TTN: variants seen among roughly 807,000 people sequenced by gnomAD.
The protein encoded by TTN is connectin.
In TTN, 1,525 loss-of-function variants were observed where a neutral mutation model predicts 3,223.0. That is an observed-to-expected ratio of 0.47 (90% CI 0.45 to 0.49). TTN has a LOEUF of 0.49. Ranked by LOEUF, TTN falls within the 20% of genes least tolerant of loss-of-function variation. The pLI, the probability that TTN is intolerant of heterozygous loss-of-function variation, is 0.00. For missense variants in TTN, 40,786 were observed against 43,424.0 expected (o/e 0.94, Z 5.40); for synonymous variants, 14,094 against 15,161.0 (o/e 0.93, Z 5.17).
chr2:178,664,173 C>G, intron 168 of TTN, 75 bp from the exon 169 acceptor site: 1 of 1,406,452 alleles, frequency 7.1e-7, no homozygotes, highest in Non-Finnish European at 9.7e-7. Flanking sequence ...TTTTCAAGAA[C>G]AAAAGAGCTA....
rs978568900 is a variant in TTN at position 178,562,178 on chromosome 2, G to A, written c.83954C>T (p.Pro27985Leu). 5 of 1,612,850 alleles carry A rather than the reference G, an allele frequency of 3.1e-6. No individual in the cohort carries two copies. The highest frequency in any genetic ancestry group is 2.7e-5 in the African/African-American group (2 of 74,848). Residue 27985 changes from proline (P) to leucine (L), a missense_variant, in exon 326 of 363, where the codon CCA (proline) becomes CTA (leucine). Transcript: ENST00000589042. ...KAREQLKIDV[P>L]FKGRPQATVN... The stretch of plus-strand genomic sequence containing the variant: ...AGTAGCTTGAGGTCTTCCTTTGAAT[G>A]GCACATCAATCTTAAGTTGTTCTCT...
At chr2:178,541,042 A>T (rs1694245078) in intron 350 of TTN, 3 of 354,858 alleles carry the variant, frequency 8.5e-6, no homozygotes, top group Non-Finnish European at 1.5e-5. Context: ...TTGACTCCAG[A>T]GAAGAATATT....
chr2:178,682,599 G>T (rs761368862), intron 135 of TTN, 98 bp downstream of exon 135: 1 of 1,181,376 alleles, frequency 8.5e-7, no homozygotes, highest in Non-Finnish European at 1.2e-6. Context: ...AATTTCTTTG[G>T]GTATCCAAAT....
Position 178,731,767 on chromosome 2 carries a change from T to A in TTN, c.17108A>T (p.Asp5703Val). 1 of 1,613,840 alleles carries A rather than the reference T, an allele frequency of 6.2e-7. No homozygotes were observed. Among genetic ancestry groups the A allele is most frequent in the Non-Finnish European group, 8.5e-7 (1 of 1,179,770 alleles). ...CACCCGACACTGGTATTCGCCAGCA[T>A]CTGCAGCTACAAACTTGAGGATCTG... is the stretch of plus-strand genomic sequence containing the variant. ...SLQILKFVAA[D>V]AGEYQCRVTN... Residue 5703 changes from aspartate to valine, a missense_variant, in exon 58 of 363, where the codon GAT becomes GTT. Coordinates refer to ENST00000589042, the MANE Select transcript of TTN (RefSeq NM_001267550.2).
chr2:178,746,400 G>T, intron 47 of TTN: 1 of 1,609,346 alleles, frequency 6.2e-7, no homozygotes, highest in Non-Finnish European at 8.5e-7. Context: ...GTAAATTCGG[G>T]AACTGTCACT....
chr2:178,729,596 A>T (rs2080027196), intron 63 of TTN, 30 bp from the exon 64 acceptor site: 1 of 1,612,466 alleles, frequency 6.2e-7, no homozygotes, highest in East Asian at 2.2e-5. Flanking sequence ...ACAGTAGCTT[A>T]CTCAAGGGAA....
At position 178,566,100 on chromosome 2, in the gene TTN, C is replaced by G. The variant is rs1239747236; in HGVS notation, c.80032G>C (p.Val26678Leu). The G allele has an allele frequency of 1.9e-6, 3 of 1,613,540 alleles. No individual in the cohort carries two copies. The highest frequency in any genetic ancestry group is 1.3e-5 in the African/African-American group (1 of 74,914). Reference protein sequence around the residue: ...SSGSKSAFVTVKVLDTPGPPQ... With the variant: ...SSGSKSAFVTLKVLDTPGPPQ... ...GGTCCTGGAGTGTCAAGAACTTTCA[C>G]AGTTACAAAAGCAGACTTTGATCCA... The change falls in exon 326 of 363, where the codon GTG becomes CTG. Residue 26678 changes from valine (V) to leucine (L), a missense_variant. By Grantham distance (32) the Val-to-Leu change is conservative (BLOSUM62 1). Coordinates refer to ENST00000589042, the MANE Select transcript of TTN (RefSeq NM_001267550.2).
rs768041757 is a variant in TTN at position 178,718,239 on chromosome 2, G to T, written c.24785-18C>A. On this transcript the variant is annotated intron_variant, in intron 85 of 362. Transcript: ENST00000589042. Reference sequence around the variant, plus strand: ...CGGTGGTTCTATGGTACAAAGGATGGTAGTCAGCAAGTCAGTCATGCCATG... The same window carrying T: ...CGGTGGTTCTATGGTACAAAGGATGTTAGTCAGCAAGTCAGTCATGCCATG... 2 of 1,592,976 alleles carry T rather than the reference G, an allele frequency of 1.3e-6. No homozygotes were observed. The highest frequency in any genetic ancestry group is 3.4e-5 in the Admixed American group (2 of 58,942).
At chr2:178,583,422 G>A (rs1559519294) in intron 312 of TTN, 185 bp downstream of exon 312, 2 of 824,934 alleles carry the variant, frequency 2.4e-6, no homozygotes, top group East Asian at 5.7e-5. Context: ...TGCCACAGTT[G>A]TGTATCTTGC....
Position 178,595,701 on chromosome 2 carries a change from T to C in TTN, c.57653A>G (p.Asn19218Ser), listed in dbSNP as rs1270810724. Reference sequence around the variant, plus strand: ...AGATTCACGCTTTTCAATGACATAATTGGTGATTGGAGAGCCTCCATCATC... The same window carrying C: ...AGATTCACGCTTTTCAATGACATAACTGGTGATTGGAGAGCCTCCATCATC... The part of the protein sequence containing the change: ...PEDDGGSPIT[N>S]YVIEKRESDR... Residue 19218 changes from asparagine to serine, a missense_variant, in exon 295 of 363, where the codon AAT becomes AGT. Physicochemically the swap from Asn to Ser is conservative, Grantham distance 46. Coordinates refer to ENST00000589042, the MANE Select transcript of TTN (RefSeq NM_001267550.2). 1 of 1,608,886 alleles carries C rather than the reference T, an allele frequency of 6.2e-7. No homozygotes were observed. Among genetic ancestry groups the C allele is most frequent in the South Asian group, 1.1e-5 (1 of 89,750 alleles).
chr2:178,678,741 A>T lies in TTN; in HGVS notation c.33826+6T>A. ...AAAAATATTGCAACATTGCAAGTTCATGTACCTTTGGCAGGTGGAGCTTCC... is the reference window on the plus strand; with the variant it reads ...AAAAATATTGCAACATTGCAAGTTCTTGTACCTTTGGCAGGTGGAGCTTCC... On this transcript the variant is annotated splice_donor_region_variant and intron_variant, in intron 143 of 362. Transcript: ENST00000589042. 6.2e-7 allele frequency: 1 copy of T among 1,600,414 alleles called. No individual in the cohort carries two copies. The highest frequency in any genetic ancestry group is 8.5e-7 in the Non-Finnish European group (1 of 1,175,486).
In TTN at chr2:178,702,639, C is replaced by A. The variant is rs759347532; in HGVS notation, c.30248G>T (p.Arg10083Leu). 2 of 1,613,708 alleles carry A rather than the reference C, an allele frequency of 1.2e-6. No homozygotes were observed. The highest frequency in any genetic ancestry group is 1.7e-6 in the Non-Finnish European group (2 of 1,179,692). ...IEAEPIQFTK[R>L]IQNIVVSEHQ... ...CTCACTCACCACGATGTTCTGTATG[C>A]GCTTTGTAAACTGAATTGGTTCAGC... The change falls in exon 107 of 363, where the codon CGC becomes CTC. Residue 10083 changes from arginine to leucine, a missense_variant. Transcript: ENST00000589042.
rs1473306273 is a variant in TTN, at chr2:178,649,269, G to T, written c.40036C>A (p.Pro13346Thr). Reference sequence around the variant, plus strand: ...GTACCTTTTTCTGGAAGAACTTCTGGTTTTTTGGTAACAGGCACAGGTTCT... The same window carrying T: ...GTACCTTTTTCTGGAAGAACTTCTGTTTTTTTGGTAACAGGCACAGGTTCT... ...KKEPVPVTKK[P>T]EVLPEKVPKV... The change falls in exon 213 of 363, where the codon CCA becomes ACA. Residue 13346 changes from proline (P) to threonine (T), a missense_variant. Pro to Thr is a conservative substitution (Grantham distance 38). Transcript: ENST00000589042. The T allele has an allele frequency of 2.0e-6, 3 of 1,499,592 alleles. No individual in the cohort carries two copies. The highest frequency in any genetic ancestry group is 2.6e-5 in the East Asian group (1 of 38,120). 92.9% of individuals were successfully genotyped at this position (1,499,592 alleles called of 1,614,324 possible). A position where few individuals can be genotyped will look rare whatever the true frequency, so the allele number is the denominator to read the frequency against.
chr2:178,690,357 C>T (rs2072067849), intron 121 of TTN, among the ~76,000 whole-genome samples: 1 of 152,140 alleles, frequency 6.6e-6, no homozygotes, highest in Non-Finnish European at 1.5e-5. Context: ...CTCTTCCCCA[C>T]ATTTCTCCTC....
At position 178,599,668 on chromosome 2, in the gene TTN, C is replaced by T. The variant is rs1376102250; in HGVS notation, c.56233G>A (p.Asp18745Asn). 1.2e-6 allele frequency: 2 copies of T among 1,612,910 alleles called. No homozygotes were observed. The highest frequency in any genetic ancestry group is 1.1e-5 in the South Asian group (1 of 90,990). ...TGCGGAATAACTAAAGTGCAAGTAT[C>T]ATCTACCACCAGTTTGTTGACATGG... Reference protein sequence around the residue: ...DTHVNKLVVDDTCTLVIPQSR... With the variant: ...DTHVNKLVVDNTCTLVIPQSR... Residue 18745 changes from aspartate to asparagine, a missense_variant, in exon 289 of 363, where the codon GAT (aspartate) becomes AAT (asparagine). Asp to Asn is a conservative substitution (Grantham distance 23, BLOSUM62 1). Transcript: ENST00000589042.
chr2:178,683,667 C>G (rs1037460312), intron 133 of TTN, among the ~76,000 whole-genome samples: 2 of 151,814 alleles, frequency 1.3e-5, no homozygotes, highest in Non-Finnish European at 2.9e-5. Flanking sequence ...GTAGAAAATT[C>G]AGAATTGAAA....
chr2:178,720,808 T>C, intron 79 of TTN, 113 bp downstream of exon 79: 1 of 1,405,028 alleles, frequency 7.1e-7, no homozygotes, highest in Non-Finnish European at 9.4e-7. Flanking sequence ...TAAAACTTGT[T>C]GAAGAATTGC....
At position 178,629,584 on chromosome 2, in the gene TTN, G is replaced by A. The variant is rs2059533102; in HGVS notation, c.44282-141C>T. 9.6e-6 allele frequency: 12 copies of A among 1,245,042 alleles called. No homozygotes were observed. In the South Asian group the frequency reaches 1.1e-4, roughly 11 times the overall value. 77.1% of individuals were successfully genotyped at this position (1,245,042 alleles called of 1,614,324 possible). A position where few individuals can be genotyped will look rare whatever the true frequency, so the allele number is the denominator to read the frequency against. On this transcript the variant is annotated intron_variant, in intron 239 of 362. Transcript: ENST00000589042. ...CCACTATTTTAACTCCCACGTGAAC[G>A]TGGCCCCACGGCGCTGAGAAGGGGA...
chr2:178,647,898 A>G (rs1220340762), intron 213 of TTN, among the ~76,000 whole-genome samples: 1 of 152,114 alleles, frequency 6.6e-6, no homozygotes, highest in Non-Finnish European at 1.5e-5. Flanking sequence ...AGACCCAATG[A>G]ACCATTCTTT....
Sources: gnomAD v4.1 joint callset for allele counts (sites outside exome capture counted in the v4.1 genomes callset) on GRCh38, gnomAD v4.1.1 for gene constraint, MANE v1.5 for transcripts, NCBI Gene and HGNC (gene_info 2026-07-23, HGNC 2026-07-21) for gene names.